The following HOOK3 variants were observed in gnomAD, a reference collection of about 807,000 sequenced individuals.
HOOK3 encodes protein Hook homolog 3.
Under a neutral mutation model 116.3 loss-of-function variants are expected in HOOK3, and 24 were observed. That is an observed-to-expected ratio of 0.21 (90% confidence interval 0.15 to 0.29). HOOK3 has a LOEUF of 0.29. HOOK3 is among the 10% of genes least tolerant of loss of function. The probability of loss-of-function intolerance (pLI) is 1.00; values close to 1 mark genes in which losing one functional copy is unlikely to be tolerated. For synonymous variants in HOOK3, 275 were observed against 283.0 expected, an observed-to-expected ratio of 0.97 and a Z score of 0.28; for missense variants, 632 against 830.2, an observed-to-expected ratio of 0.76 and a Z score of 2.93.
At chr8:42,932,288 A>G (rs781081074) in intron 4 of HOOK3, among the ~76,000 whole-genome samples, 6 of 152,220 alleles carry the variant, frequency 3.9e-5, no homozygotes, top group Non-Finnish European at 4.4e-5. Flanking sequence ...TATATTTACT[A>G]GATCTTTTGG....
chr8:42,919,580 G>A (rs898427737), intron 2 of HOOK3, among the ~76,000 whole-genome samples: 1 of 152,206 alleles, frequency 6.6e-6, no homozygotes, highest in Non-Finnish European at 1.5e-5. Flanking sequence ...ATTTTGGGTG[G>A]CCAAGGCAGG....
Position 43,025,838 on chromosome 8 carries a change from A to G in HOOK3, c.*7340A>G. ...TTACTTACACACAGTAGCCCCACAC[A>G]GTTTTGTTTTAAATGAAGGCAAAAG... On this transcript the variant is annotated 3_prime_UTR_variant, in exon 22 of 22. Coordinates refer to ENST00000307602, the MANE Select transcript of HOOK3 (RefSeq NM_032410.4). The G allele has an allele frequency of 4.8e-6, 1 of 210,488 alleles. No homozygotes were observed. Among genetic ancestry groups the G allele is most frequent in the Admixed American group, 5.9e-5 (1 of 16,944 alleles). 13.0% of individuals were successfully genotyped at this position (210,488 alleles called of 1,614,324 possible).
rs575978830 is a variant in HOOK3 at position 42,962,040 on chromosome 8, G to A, written c.616-2271G>A. 4.0e-5 allele frequency among the ~76,000 whole-genome samples: 6 copies of A among 151,896 alleles called. No homozygotes were observed. In the South Asian group the frequency reaches 1.0e-3, roughly 26 times the overall value. On this transcript the variant is annotated intron_variant, in intron 8 of 21. Transcript: ENST00000307602. ...GAGCTCCGGTGATCTGCCCACCTCC[G>A]TCTCCCAAAGTGCTGGGATTACAGG... is the stretch of plus-strand genomic sequence containing the variant.
intron 2 of HOOK3, among the ~76,000 whole-genome samples, chr8:42,925,085 GTTTTTGTTCGGTT>G (rs1376196633): frequency 3.3e-5 from 5 of 151,914 alleles, no homozygotes; most frequent in Non-Finnish European, 5.9e-5. Flanking sequence ...TGTTGTTGTT[GTTTTTGTTCGGTT>G]TTTTGTTTGT....
chr8:42,948,421 CTCATCA>C (rs146496501), intron 5 of HOOK3, among the ~76,000 whole-genome samples: 257 of 152,178 alleles, frequency 1.7e-3, no homozygotes, highest in African/African-American at 6.0e-3. Flanking sequence ...TAATTTAGTT[CTCATCA>C]TCATTTTATC....
At chr8:42,909,351 C>T (rs574851870) in intron 2 of HOOK3, among the ~76,000 whole-genome samples, 1 of 152,342 alleles carries the variant, frequency 6.6e-6, no homozygotes, top group South Asian at 2.1e-4. Flanking sequence ...TTCCACATTT[C>T]TTGCAGCATT....
intron 15 of HOOK3, among the ~76,000 whole-genome samples, chr8:42,993,278 T>A (rs1449691391): frequency 6.6e-6 from 1 of 152,174 alleles, no homozygotes; most frequent in Admixed American, 6.5e-5. Flanking sequence ...ATATATATAT[T>A]TTTAAGACAG....
intron 11 of HOOK3, among the ~76,000 whole-genome samples, chr8:42,971,969 C>T (rs142487471): frequency 7.2e-5 from 11 of 152,270 alleles, no homozygotes; most frequent in Non-Finnish European, 1.0e-4. Flanking sequence ...AGGTGTGAGC[C>T]GCCGTGCCTG....
At chr8:43,013,546 T>C (rs1809653050) in intron 21 of HOOK3, 146 bp downstream of exon 21, 2 of 627,864 alleles carry the variant, frequency 3.2e-6, no homozygotes, top group East Asian at 6.4e-5. Flanking sequence ...CTTAATGTTA[T>C]TTCTGAACTG....
chr8:42,988,919 A>G (rs1809101377), intron 15 of HOOK3, among the ~76,000 whole-genome samples: 1 of 152,174 alleles, frequency 6.6e-6, no homozygotes, highest in South Asian at 2.1e-4. Flanking sequence ...TTTAATGAGT[A>G]TTTATATTAC....
intron 21 of HOOK3, among the ~76,000 whole-genome samples, chr8:43,015,419 A>G (rs558422305): frequency 6.6e-6 from 1 of 152,134 alleles, no homozygotes; most frequent in African/African-American, 2.4e-5. Context: ...GGTACTCCGG[A>G]GGCTGAAGCA....
intron 4 of HOOK3, among the ~76,000 whole-genome samples, chr8:42,940,061 C>T (rs1808074879): frequency 6.6e-6 from 1 of 152,090 alleles, no homozygotes; most frequent in Admixed American, 6.5e-5. Context: ...CAGAGACGCT[C>T]CTCACTTCCC....
At position 43,027,478 on chromosome 8, in the gene HOOK3, C is replaced by G. The variant is rs1431337337; in HGVS notation, c.*8980C>G. On this transcript the variant is annotated 3_prime_UTR_variant, in exon 22 of 22. Coordinates refer to ENST00000307602, the MANE Select transcript of HOOK3 (RefSeq NM_032410.4). ...AAAACGTTTCTCTTCTACCTTACCC[C>G]CTGTTCTACTGACGTGCTTTGCATG... 7 of 467,100 alleles carry G rather than the reference C, an allele frequency of 1.5e-5. No homozygotes were observed. Among genetic ancestry groups the G allele is most frequent in the African/African-American group, 1.2e-4 (6 of 50,324 alleles). 28.9% of individuals were successfully genotyped at this position (467,100 alleles called of 1,614,324 possible). A position where few individuals can be genotyped will look rare whatever the true frequency, so the allele number is the denominator to read the frequency against.
intron 15 of HOOK3, among the ~76,000 whole-genome samples, chr8:42,987,068 A>G (rs1236144707): frequency 6.6e-6 from 1 of 152,196 alleles, no homozygotes; most frequent in Non-Finnish European, 1.5e-5. Flanking sequence ...AGGCAGAGGT[A>G]GAAGGATCAT....
chr8:43,012,676 T>G (rs1360897735), intron 19 of HOOK3, among the ~76,000 whole-genome samples: 5 of 152,136 alleles, frequency 3.3e-5, no homozygotes, highest in African/African-American at 9.7e-5. Flanking sequence ...CTCAGCTCAC[T>G]GCAGCCTCAA....
intron 5 of HOOK3, among the ~76,000 whole-genome samples, chr8:42,944,413 C>T (rs1007094747): frequency 2.6e-5 from 4 of 151,820 alleles, no homozygotes; most frequent in African/African-American, 9.7e-5. Flanking sequence ...AAGACCCTGT[C>T]TCAAAAAAAG....
At position 43,028,480 on chromosome 8, in the gene HOOK3, T is replaced by C. The variant is rs1471823771; in HGVS notation, c.*9982T>C. On this transcript the variant is annotated 3_prime_UTR_variant, in exon 22 of 22. Transcript: ENST00000307602. Reference sequence around the variant, plus strand: ...ATCCTTCCTTTTAAATTTATATAGATCTAATGAACATTGCCAACAGTTTTT... The same window carrying C: ...ATCCTTCCTTTTAAATTTATATAGACCTAATGAACATTGCCAACAGTTTTT... The C allele has an allele frequency of 1.1e-5, 2 of 189,426 alleles. No individual in the cohort carries two copies. Among genetic ancestry groups the C allele is most frequent in the Non-Finnish European group, 2.2e-5 (2 of 90,350 alleles). The allele number at this position is 189,426 out of a possible 1,614,324, so 11.7% of individuals were successfully genotyped here. A position where few individuals can be genotyped will look rare whatever the true frequency, so the allele number is the denominator to read the frequency against.
At chr8:42,939,599 G>T (rs1415823637) in intron 4 of HOOK3, among the ~76,000 whole-genome samples, 10 of 145,142 alleles carry the variant, frequency 6.9e-5, no homozygotes, top group African/African-American at 2.0e-4. Context: ...CTCCCGGACG[G>T]GCTGGCTGGC....
intron 4 of HOOK3, among the ~76,000 whole-genome samples, chr8:42,942,921 A>G (rs183146807): frequency 0.016 from 2,488 of 152,336 alleles, 32 homozygotes; most frequent in Non-Finnish European, 0.022. Context: ...TCAAGTGGGA[A>G]TCAAGGTGGC....
Sources: allele counts gnomAD v4.1 joint callset (sites outside exome capture counted in the v4.1 genomes callset), GRCh38; gene constraint gnomAD v4.1.1; transcripts MANE v1.5; gene names NCBI Gene and HGNC (gene_info 2026-07-23, HGNC 2026-07-21).